KCNC2: variants seen among roughly 807,000 people sequenced by gnomAD.
KCNC2 encodes voltage-gated potassium channel KCNC2.
KCNC2 carries 21 observed loss-of-function variants against 44.5 expected under a neutral mutation model. The ratio of observed to expected loss-of-function variants is 0.47; its 90% CI spans 0.33 to 0.68. The LOEUF (loss-of-function observed/expected upper bound fraction) is 0.68, where lower values mean the gene tolerates loss of function less well. Among genes scored for constraint, KCNC2 ranks in the 30% least tolerant of loss-of-function variants. The pLI, the probability that KCNC2 is intolerant of heterozygous loss-of-function variation, is 0.01. For synonymous variants in KCNC2, 391 were observed against 339.1 expected, an observed-to-expected ratio of 1.15 and a Z score of -1.68; for missense variants, 589 against 826.2, an observed-to-expected ratio of 0.71 and a Z score of 3.52.
intron 2 of KCNC2, among the ~76,000 whole-genome samples, chr12:75,134,028 A>G (rs993759909): frequency 6.6e-6 from 1 of 151,978 alleles, no homozygotes; most frequent in Admixed American, 6.6e-5. Context: ...ACATTTCTCA[A>G]AATTGTATTC....
At chr12:75,066,844 G>A (rs1281706891) in intron 2 of KCNC2, among the ~76,000 whole-genome samples, 1 of 152,154 alleles carries the variant, frequency 6.6e-6, no homozygotes, top group African/African-American at 2.4e-5. Context: ...TAGTAGAAAA[G>A]GAAATTTTAG....
At chr12:75,160,645 G>A (rs900010489) in intron 2 of KCNC2, among the ~76,000 whole-genome samples, 7 of 151,824 alleles carry the variant, frequency 4.6e-5, no homozygotes, top group Non-Finnish European at 1.0e-4. Flanking sequence ...AAAAGATGAA[G>A]GCGGTTTGTT....
intron 2 of KCNC2, among the ~76,000 whole-genome samples, chr12:75,112,114 A>T (rs558413858): frequency 7.6e-4 from 115 of 152,092 alleles, no homozygotes; most frequent in Admixed American, 3.1e-3. Context: ...TTTGTTAACT[A>T]TAATTTATCT....
chr12:75,086,711 TTTATC>T (rs983841859), intron 2 of KCNC2, among the ~76,000 whole-genome samples: 14 of 146,188 alleles, frequency 9.6e-5, no homozygotes, highest in African/African-American at 3.3e-4. Context: ...CACACACATA[TTTATC>T]TTAAGTCATA....
At chr12:75,135,648 G>T (rs962985927) in intron 2 of KCNC2, among the ~76,000 whole-genome samples, 4 of 151,948 alleles carry the variant, frequency 2.6e-5, no homozygotes, top group African/African-American at 9.7e-5. Flanking sequence ...AAGATAGAAA[G>T]TATAAGAACA....
intron 2 of KCNC2, among the ~76,000 whole-genome samples, chr12:75,199,097 C>G (rs1407698478): frequency 6.6e-6 from 1 of 151,730 alleles, no homozygotes; most frequent in Non-Finnish European, 1.5e-5. Flanking sequence ...CTTTTTCTTT[C>G]TAGGTCTCTC....
At chr12:75,072,989 T>C (rs1456056781) in intron 2 of KCNC2, among the ~76,000 whole-genome samples, 1 of 151,830 alleles carries the variant, frequency 6.6e-6, no homozygotes, top group Non-Finnish European at 1.5e-5. Flanking sequence ...TATGGAAATG[T>C]CTATTTATGT....
At chr12:75,044,236 G>C (rs1405732685) in intron 4 of KCNC2, among the ~76,000 whole-genome samples, 1 of 151,998 alleles carries the variant, frequency 6.6e-6, no homozygotes, top group African/African-American at 2.4e-5. Context: ...TAAAAAAGTA[G>C]TCATGCTACA....
chr12:75,072,168 A>T (rs926704945), intron 2 of KCNC2, among the ~76,000 whole-genome samples: 11 of 152,100 alleles, frequency 7.2e-5, no homozygotes, highest in African/African-American at 2.7e-4. Context: ...TGTCTTTCTG[A>T]TGCTGCCTGT....
At chr12:75,104,735 G>A (rs948853131) in intron 2 of KCNC2, among the ~76,000 whole-genome samples, 1 of 151,944 alleles carries the variant, frequency 6.6e-6, no homozygotes. Context: ...ATATATAGTA[G>A]ATACGCATAT....
At chr12:75,151,121 A>G (rs146522724) in intron 2 of KCNC2, among the ~76,000 whole-genome samples, 11 of 152,090 alleles carry the variant, frequency 7.2e-5, no homozygotes, top group Middle Eastern at 3.4e-3. Flanking sequence ...CAAGCTCACC[A>G]AAGCCCAAAG....
intron 2 of KCNC2, among the ~76,000 whole-genome samples, chr12:75,202,013 A>G (rs1293750970): frequency 1.3e-5 from 2 of 151,938 alleles, no homozygotes; most frequent in Non-Finnish European, 2.9e-5. Context: ...AATGACATTT[A>G]CTTTATTTGT....
At chr12:75,117,915 C>A (rs1025283340) in intron 2 of KCNC2, among the ~76,000 whole-genome samples, 1 of 152,102 alleles carries the variant, frequency 6.6e-6, no homozygotes, top group East Asian at 1.9e-4. Flanking sequence ...CTCACCCATA[C>A]CACAAATTGG....
At position 75,050,512 on chromosome 12, in the gene KCNC2, G is replaced by A. The variant is rs866278258; in HGVS notation, c.1493C>T (p.Pro498Leu). The change falls in exon 3 of 5, where the codon CCT becomes CTT. Residue 498 changes from proline to leucine, a missense_variant. Physicochemically the swap from Pro to Leu is moderately conservative, Grantham distance 98. Transcript: ENST00000549446. Reference sequence around the variant, plus strand: ...AGGTGAGCTTGCCTGAGGAGCAGGAGGGATGTGCTTCTTTCTTTTCCTTGG... The same window carrying A: ...AGGTGAGCTTGCCTGAGGAGCAGGAAGGATGTGCTTCTTTCTTTTCCTTGG... ...KLPRKRKKHI[P>L]PAPQASSPTF... 3 of 1,613,638 alleles carry A rather than the reference G, an allele frequency of 1.9e-6. No homozygotes were observed. The highest frequency in any genetic ancestry group is 2.5e-6 in the Non-Finnish European group (3 of 1,179,774).
chr12:75,097,266 G>A (rs1269651447), intron 2 of KCNC2, among the ~76,000 whole-genome samples: 1 of 152,062 alleles, frequency 6.6e-6, no homozygotes, highest in Non-Finnish European at 1.5e-5. Flanking sequence ...GTGACAAATA[G>A]GTGGAGCACA....
chr12:75,180,412 A>G (rs1289920264), intron 2 of KCNC2, among the ~76,000 whole-genome samples: 1 of 151,804 alleles, frequency 6.6e-6, no homozygotes, highest in Non-Finnish European at 1.5e-5. Flanking sequence ...TGATATAAGG[A>G]AAACAAATGA....
intron 2 of KCNC2, among the ~76,000 whole-genome samples, chr12:75,130,348 C>A (rs762132367): frequency 2.0e-5 from 3 of 152,088 alleles, no homozygotes; most frequent in African/African-American, 2.4e-5. Flanking sequence ...AATTTATGTA[C>A]ATGGTTTTAT....
At chr12:75,182,187 A>G (rs544521711) in intron 2 of KCNC2, among the ~76,000 whole-genome samples, 1 of 151,918 alleles carries the variant, frequency 6.6e-6, no homozygotes, top group East Asian at 1.9e-4. Context: ...GAATGCTTCA[A>G]CAAGGTAATA....
intron 2 of KCNC2, chr12:75,140,067 G>A (rs901354244): frequency 6.6e-6 from 1 of 152,174 alleles, no homozygotes; most frequent in African/African-American, 2.4e-5. Context: ...GTGTTTAGCT[G>A]AGAGATTCCC....
Sources: allele counts gnomAD v4.1 joint callset (sites outside exome capture counted in the v4.1 genomes callset), GRCh38; gene constraint gnomAD v4.1.1; transcripts MANE v1.5; gene names NCBI Gene and HGNC (gene_info 2026-07-23, HGNC 2026-07-21).